ONECUT2: variants seen among roughly 807,000 people sequenced by gnomAD.
ONECUT2 encodes one cut domain family member 2.
ONECUT2 carries 10 observed loss-of-function variants against 27.9 expected under a neutral mutation model. The observed-to-expected ratio is 0.36, with a 90% CI of 0.22 to 0.61. The LOEUF is 0.61. Ranked by LOEUF, ONECUT2 falls within the 20% of genes least tolerant of loss-of-function variation. The pLI, the probability that ONECUT2 is intolerant of heterozygous loss-of-function variation, is 0.73. For synonymous variants in ONECUT2, 334 were observed against 315.1 expected (o/e 1.06, Z -0.64); for missense variants, 686 against 721.0 (o/e 0.95, Z 0.56).
rs944076377 is a variant in ONECUT2 at position 57,436,847 on chromosome 18, G to T, written c.1131G>T (p.Pro377=). ...CCGACCTGCTCCGGAATCCAAAACC[G>T]TGGAGTAAACTCAAATCTGGCAGGG... ...TLSDLLRNPK[P]WSKLKSGRET... is the part of the protein sequence containing the mutation. Residue 377 remains proline (P), a synonymous_variant, in exon 1 of 2, where the codon CCG becomes CCT. Coordinates refer to ENST00000491143, the MANE Select transcript of ONECUT2 (RefSeq NM_004852.3). This position sits in a 1 kb window ranked among gnomAD's most constrained non-coding sequence, Gnocchi z 5.9. 6.2e-7 allele frequency: 1 copy of T among 1,613,988 alleles called. No individual in the cohort carries two copies. Among genetic ancestry groups the T allele is most frequent in the Admixed American group, 1.7e-5 (1 of 60,032 alleles).
At position 57,476,781 on chromosome 18, in the gene ONECUT2, A is replaced by G. The variant is rs920406676; in HGVS notation, c.*58A>G. 79 of 1,544,296 alleles carry G rather than the reference A, an allele frequency of 5.1e-5. No individual in the cohort carries two copies. The East Asian group carries it at 1.8e-3, about 36-fold the overall frequency. The stretch of plus-strand genomic sequence containing the variant: ...CCAAATGAGGACAACAGATACCAAA[A>G]GAAAACAAAGGAAAAAGACACCGGA... On this transcript the variant is annotated 3_prime_UTR_variant, in exon 2 of 2. Coordinates refer to ENST00000491143, the MANE Select transcript of ONECUT2 (RefSeq NM_004852.3).
chr18:57,478,892 T>C lies in ONECUT2; in HGVS notation c.*2169T>C, dbSNP rs769198632. 12 of 152,434 alleles carry C rather than the reference T, an allele frequency of 7.9e-5. No homozygotes were observed. The highest frequency in any genetic ancestry group is 1.3e-4 in the Non-Finnish European group (9 of 68,042). The allele number at this position is 152,434 out of a possible 1,614,324, so 9.4% of individuals were successfully genotyped here. A position where few individuals can be genotyped will look rare whatever the true frequency, so the allele number is the denominator to read the frequency against. On this transcript the variant is annotated 3_prime_UTR_variant, in exon 2 of 2. Transcript: ENST00000491143. Reference sequence around the variant, plus strand: ...CTGAGCAACAAAAGGAAAGGGCCATTTATTTGATTTTATTGTTTCATTTCA... The same window carrying C: ...CTGAGCAACAAAAGGAAAGGGCCATCTATTTGATTTTATTGTTTCATTTCA...
chr18:57,438,585 G>A (rs1439744530), intron 1 of ONECUT2, among the ~76,000 whole-genome samples: 2 of 152,196 alleles, frequency 1.3e-5, no homozygotes, highest in South Asian at 2.1e-4. Flanking sequence ...GGGAGTTTCC[G>A]CTTTGACAGC....
At chr18:57,438,593 A>G (rs752883715) in intron 1 of ONECUT2, among the ~76,000 whole-genome samples, 2 of 152,206 alleles carry the variant, frequency 1.3e-5, no homozygotes, top group African/African-American at 4.8e-5. Context: ...CCGCTTTGAC[A>G]GCATTTTCCT....
At chr18:57,467,460 G>A (rs2050329297) in intron 1 of ONECUT2, among the ~76,000 whole-genome samples, 1 of 152,104 alleles carries the variant, frequency 6.6e-6, no homozygotes, top group Non-Finnish European at 1.5e-5. Context: ...CTGCCTCCCG[G>A]GTTGAAGTGA....
chr18:57,436,020 T>A lies in ONECUT2; in HGVS notation c.304T>A (p.Ser102Thr). 7 of 1,531,324 alleles carry A rather than the reference T, an allele frequency of 4.6e-6. No homozygotes were observed. The highest frequency in any genetic ancestry group is 6.1e-6 in the Non-Finnish European group (7 of 1,144,870). The allele number at this position is 1,531,324 out of a possible 1,614,324, so 94.9% of individuals were successfully genotyped here. Reference sequence around the variant, plus strand: ...GGCGGCAGCGGCGGCAGCGGCGGCGTCGCGCTCGGCCATGGTCACCAGCAT... The same window carrying A: ...GGCGGCAGCGGCGGCAGCGGCGGCGACGCGCTCGGCCATGGTCACCAGCAT... Reference protein sequence around the residue: ...GTAAAAAAAASRSAMVTSMAS... With the variant: ...GTAAAAAAAATRSAMVTSMAS... Residue 102 changes from serine to threonine, a missense_variant, in exon 1 of 2, where the codon TCG becomes ACG. Physicochemically the swap from Ser to Thr is moderately conservative, Grantham distance 58. Coordinates refer to ENST00000491143, the MANE Select transcript of ONECUT2 (RefSeq NM_004852.3). The surrounding 1 kb of genome is among the most constrained non-coding windows in gnomAD (Gnocchi z 5.9).
intron 1 of ONECUT2, chr18:57,467,191 G>A: frequency 2.2e-6 from 1 of 456,582 alleles, no homozygotes; most frequent in Non-Finnish European, 4.4e-6. Context: ...AACACAGAAT[G>A]GTCGCTGTGC....
At chr18:57,453,477 A>G (rs2050241979) in intron 1 of ONECUT2, among the ~76,000 whole-genome samples, 2 of 149,510 alleles carry the variant, frequency 1.3e-5, no homozygotes, top group African/African-American at 5.1e-5. Context: ...CATCAGGCAG[A>G]TAACTTTGTT....
chr18:57,449,876 A>G (rs576267601), intron 1 of ONECUT2, among the ~76,000 whole-genome samples: 2 of 152,274 alleles, frequency 1.3e-5, no homozygotes, highest in Middle Eastern at 6.8e-3. Context: ...TCGATTTGCA[A>G]TCATTGCAAA....
In ONECUT2 at chr18:57,484,988, G is replaced by T. The variant is rs551427755; in HGVS notation, c.*8265G>T. 6.6e-6 allele frequency: 1 copy of T among 151,480 alleles called. No homozygotes were observed. Among genetic ancestry groups the T allele is most frequent in the East Asian group, 2.1e-4 (1 of 4,806 alleles). The allele number at this position is 151,480 out of a possible 1,614,324, so 9.4% of individuals were successfully genotyped here. Reference sequence around the variant, plus strand: ...TCCCATTAGTACATAGTCACATATGGTCGGTTGCTTCGTGAAGGTGGCCTG... The same window carrying T: ...TCCCATTAGTACATAGTCACATATGTTCGGTTGCTTCGTGAAGGTGGCCTG... On this transcript the variant is annotated 3_prime_UTR_variant, in exon 2 of 2. Transcript: ENST00000491143.
Position 57,459,776 on chromosome 18 carries a change from C to T in ONECUT2, c.1229-16661C>T, listed in dbSNP as rs190888785. On this transcript the variant is annotated intron_variant, in intron 1 of 1. Coordinates refer to ENST00000491143, the MANE Select transcript of ONECUT2 (RefSeq NM_004852.3). ...GTTTCTCCATGTTGGTCAGGCTGGT[C>T]TCGAACTTCTGACCTCAGATGATCC... Among the ~76,000 whole-genome samples the T allele has an allele frequency of 2.7e-3, 407 of 152,284 alleles. 2 individuals are homozygous for T. The highest frequency in any genetic ancestry group is 9.2e-3 in the African/African-American group (384 of 41,556).
intron 1 of ONECUT2, among the ~76,000 whole-genome samples, chr18:57,441,376 T>C (rs2050173236): frequency 1.3e-5 from 2 of 152,248 alleles, no homozygotes. Context: ...CCCGCGGTTT[T>C]CCAGCGGTGC....
intron 1 of ONECUT2, among the ~76,000 whole-genome samples, chr18:57,461,359 G>A (rs568822678): frequency 4.6e-5 from 7 of 152,252 alleles, no homozygotes; most frequent in African/African-American, 1.4e-4. Context: ...TGAGCATTTG[G>A]ATTGTTTCCA....
At chr18:57,461,426 C>T (rs2050290773) in intron 1 of ONECUT2, among the ~76,000 whole-genome samples, 1 of 152,220 alleles carries the variant, frequency 6.6e-6, no homozygotes, top group Non-Finnish European at 1.5e-5. Flanking sequence ...TCCTAATGTA[C>T]TTAACCATAC....
At chr18:57,451,948 G>A (rs535533278) in intron 1 of ONECUT2, among the ~76,000 whole-genome samples, 2 of 152,182 alleles carry the variant, frequency 1.3e-5, no homozygotes, top group African/African-American at 4.8e-5. Flanking sequence ...GAATGGGGGG[G>A]GCGGTGTTGG....
rs147326655 is a variant in ONECUT2 at position 57,440,436 on chromosome 18, A to C, written c.1228+3492A>C. Among the ~76,000 whole-genome samples the C allele has an allele frequency of 6.2e-3, 941 of 152,292 alleles. 17 individuals carry two copies. Among genetic ancestry groups the C allele is most frequent in the African/African-American group, 0.021 (857 of 41,570 alleles). On this transcript the variant is annotated intron_variant, in intron 1 of 1. Transcript: ENST00000491143. ...TCGAGCCGAGCGCCCGACTACATTT[A>C]CTGCAGAGGTTTCCGCCTCCAGTGA...
Position 57,446,027 on chromosome 18 carries a change from C to T in ONECUT2, c.1228+9083C>T, listed in dbSNP as rs188709551. 2.6e-5 allele frequency among the ~76,000 whole-genome samples: 4 copies of T among 152,300 alleles called. No homozygotes were observed. In the East Asian group the frequency reaches 5.8e-4, roughly 22 times the overall value. Reference sequence around the variant, plus strand: ...CTCAATTGGAGCTCCCTGCAAAGTGCCATTAACCCCGGCCCAACTGCTTGT... The same window carrying T: ...CTCAATTGGAGCTCCCTGCAAAGTGTCATTAACCCCGGCCCAACTGCTTGT... On this transcript the variant is annotated intron_variant, in intron 1 of 1. Coordinates refer to ENST00000491143, the MANE Select transcript of ONECUT2 (RefSeq NM_004852.3).
At chr18:57,459,661 C>T (rs2050279112) in intron 1 of ONECUT2, among the ~76,000 whole-genome samples, 2 of 152,124 alleles carry the variant, frequency 1.3e-5, no homozygotes, top group South Asian at 4.2e-4. Flanking sequence ...TGGGTTCAAG[C>T]AATTCTCCTG....
At chr18:57,451,428 C>T (rs2050229570) in intron 1 of ONECUT2, among the ~76,000 whole-genome samples, 1 of 152,140 alleles carries the variant, frequency 6.6e-6, no homozygotes, top group Admixed American at 6.5e-5. Context: ...TCTGAGGCCT[C>T]CCTGAAGGGC....
Sources: allele counts gnomAD v4.1 joint callset (sites outside exome capture counted in the v4.1 genomes callset), GRCh38; gene constraint gnomAD v4.1.1; non-coding constraint Gnocchi (gnomAD v3.1); transcripts MANE v1.5; gene names NCBI Gene and HGNC (gene_info 2026-07-23, HGNC 2026-07-21).